DLGAP1: variants seen among roughly 807,000 people sequenced by gnomAD.
DLGAP1 encodes DLG associated protein 1.
In DLGAP1, 11 loss-of-function variants were observed where a neutral mutation model predicts 90.8. The ratio of observed to expected loss-of-function variants is 0.12; its 90% CI spans 0.08 to 0.20. The LOEUF is 0.20. DLGAP1 is among the 10% of genes least tolerant of loss of function. The pLI is 1.00. For synonymous variants in DLGAP1, 558 were observed against 540.7 expected (o/e 1.03, Z -0.44); for missense variants, 1,050 against 1,333.8 (o/e 0.79, Z 3.31).
chr18:3,572,792 T>C (rs1246323303), intron 8 of DLGAP1, among the ~76,000 whole-genome samples: 2 of 152,216 alleles, frequency 1.3e-5, no homozygotes, highest in African/African-American at 4.8e-5. Flanking sequence ...ATGTTGATAC[T>C]TGGAATGGCT....
In DLGAP1 at chr18:4,302,784, T is replaced by C. The variant is rs141254536; in HGVS notation, c.-266-151497A>G. 3.1e-4 allele frequency among the ~76,000 whole-genome samples: 47 copies of C among 152,348 alleles called. 1 individual carries two copies. In the East Asian group the frequency reaches 8.9e-3, roughly 29 times the overall value. The stretch of plus-strand genomic sequence containing the variant: ...ATTGAAATTTTAATAGAGACTGCAC[T>C]GAATCTATAGGTCACATTGGGTAGC... On this transcript the variant is annotated intron_variant, in intron 1 of 12. Coordinates refer to ENST00000315677, the MANE Select transcript of DLGAP1 (RefSeq NM_004746.4).
rs184181329 is a variant in DLGAP1, at chr18:4,133,323, C to T, written c.-159+17857G>A. ...CCCAACACCAGAGGTACAAGGGTTG[C>T]CTCAGATTCAAGTCCATCTAATCCA... On this transcript the variant is annotated intron_variant, in intron 2 of 12. Transcript: ENST00000315677. Among the ~76,000 whole-genome samples, 633 of 152,258 alleles carry T rather than the reference C, an allele frequency of 4.2e-3. 8 individuals are homozygous for T. Among genetic ancestry groups the T allele is most frequent in the Non-Finnish European group, 3.7e-3 (255 of 68,014 alleles).
intron 1 of DLGAP1, among the ~76,000 whole-genome samples, chr18:4,200,373 AAATT>A (rs1414414379): frequency 2.6e-5 from 4 of 151,880 alleles, no homozygotes; most frequent in African/African-American, 9.6e-5. Flanking sequence ...ACCATAAATA[AAATT>A]ATTTTCTATT....
chr18:4,004,334 T>C (rs1406482728), intron 3 of DLGAP1, among the ~76,000 whole-genome samples: 1 of 151,686 alleles, frequency 6.6e-6, no homozygotes, highest in Non-Finnish European at 1.5e-5. Context: ...GAGCACATGA[T>C]ATAAGTACCT....
Position 4,384,146 on chromosome 18 carries a change from T to C in DLGAP1, c.-267+70860A>G, listed in dbSNP as rs541081982. 1.5e-4 allele frequency among the ~76,000 whole-genome samples: 23 copies of C among 152,284 alleles called. No homozygotes were observed. In the East Asian group the frequency reaches 3.7e-3, roughly 24 times the overall value. On this transcript the variant is annotated intron_variant, in intron 1 of 12. Coordinates refer to ENST00000315677, the MANE Select transcript of DLGAP1 (RefSeq NM_004746.4). ...ATTCAATATTCTATCTGATGGATAA[T>C]GAAAAGTAAATGTTTAACCTACCTA...
chr18:4,120,185 AC>A (rs2076129773), intron 2 of DLGAP1, among the ~76,000 whole-genome samples: 1 of 152,224 alleles, frequency 6.6e-6, no homozygotes, highest in Non-Finnish European at 1.5e-5. Flanking sequence ...TGTTTGAAAA[AC>A]ACTTATAAAG....
chr18:3,897,398 A>G (rs2071653225), intron 3 of DLGAP1, among the ~76,000 whole-genome samples: 1 of 152,230 alleles, frequency 6.6e-6, no homozygotes, highest in Non-Finnish European at 1.5e-5. Flanking sequence ...GCTAACATTC[A>G]TGTATTTTTT....
intron 2 of DLGAP1, among the ~76,000 whole-genome samples, chr18:4,091,553 C>G (rs2075773260): frequency 6.6e-6 from 1 of 152,108 alleles, no homozygotes; most frequent in South Asian, 2.1e-4. Flanking sequence ...ATACTCTGTT[C>G]TGTCTTCATC....
intron 12 of DLGAP1, among the ~76,000 whole-genome samples, chr18:3,501,839 A>G (rs1197608776): frequency 1.3e-5 from 2 of 151,534 alleles, no homozygotes; most frequent in African/African-American, 4.8e-5. Flanking sequence ...TGAAAATTAG[A>G]GTTGATTAAT....
intron 1 of DLGAP1, among the ~76,000 whole-genome samples, chr18:4,285,953 T>G (rs532865191): frequency 3.9e-5 from 6 of 152,212 alleles, no homozygotes; most frequent in African/African-American, 1.4e-4. Flanking sequence ...AACCTCCTGA[T>G]GACTTTTAAA....
intron 1 of DLGAP1, among the ~76,000 whole-genome samples, chr18:4,382,893 C>G (rs1440693491): frequency 6.6e-6 from 1 of 152,126 alleles, no homozygotes; most frequent in Non-Finnish European, 1.5e-5. Context: ...TGCAGTTCAG[C>G]AACATAGGTT....
intron 2 of DLGAP1, among the ~76,000 whole-genome samples, chr18:4,055,389 T>C (rs1043923644): frequency 2.6e-5 from 4 of 152,220 alleles, no homozygotes; most frequent in African/African-American, 9.6e-5. Flanking sequence ...ATCCAGATGA[T>C]AAGCACAGAA....
chr18:4,389,453 T>C (rs1379442238), intron 1 of DLGAP1, among the ~76,000 whole-genome samples: 1 of 152,190 alleles, frequency 6.6e-6, no homozygotes, highest in African/African-American at 2.4e-5. Context: ...AAAATATGAA[T>C]GTACTTAACA....
chr18:4,284,203 GAA>G (rs11392858), intron 1 of DLGAP1, among the ~76,000 whole-genome samples: 7 of 134,634 alleles, frequency 5.2e-5, no homozygotes, highest in East Asian at 2.2e-4. Flanking sequence ...TGCCTCTACT[GAA>G]AAAAAAAAAA....
intron 1 of DLGAP1, among the ~76,000 whole-genome samples, chr18:4,308,372 T>C (rs1470140948): frequency 1.3e-5 from 2 of 152,132 alleles, no homozygotes; most frequent in Non-Finnish European, 2.9e-5. Context: ...ATATGATAAA[T>C]ATGCTAGAAT....
intron 6 of DLGAP1, among the ~76,000 whole-genome samples, chr18:3,738,349 G>C (rs1470373858): frequency 6.8e-6 from 1 of 147,736 alleles, no homozygotes; most frequent in South Asian, 2.1e-4. Flanking sequence ...AAAGCTGGAG[G>C]CATCACACTA....
chr18:3,660,912 G>A lies in DLGAP1; in HGVS notation c.1591+68223C>T, dbSNP rs1489074829. Among the ~76,000 whole-genome samples, 1 of 152,160 alleles carries A rather than the reference G, an allele frequency of 6.6e-6. No individual in the cohort carries two copies. Among genetic ancestry groups the A allele is most frequent in the Non-Finnish European group, 1.5e-5 (1 of 68,022 alleles). ...CATCACCCTGGGCCAAATTATGACA[G>A]CAATGTTCACAGGAAACTGTATGAT... is the stretch of plus-strand genomic sequence containing the variant. On this transcript the variant is annotated intron_variant, in intron 7 of 12. Transcript: ENST00000315677. This position sits in a 1 kb window ranked among gnomAD's most constrained non-coding sequence, Gnocchi z 4.2.
At chr18:4,424,366 C>A (rs2083106430) in intron 1 of DLGAP1, among the ~76,000 whole-genome samples, 1 of 152,110 alleles carries the variant, frequency 6.6e-6, no homozygotes, top group Non-Finnish European at 1.5e-5. Flanking sequence ...TTCTTAATTT[C>A]AATTTGCAGA....
chr18:4,248,234 G>A (rs1598721895), intron 1 of DLGAP1, among the ~76,000 whole-genome samples: 1 of 152,122 alleles, frequency 6.6e-6, no homozygotes, highest in Non-Finnish European at 1.5e-5. Flanking sequence ...AAGCATGAAT[G>A]CTGACTTTAA....
Sources: gnomAD v4.1 joint callset for allele counts (sites outside exome capture counted in the v4.1 genomes callset) on GRCh38, gnomAD v4.1.1 for gene constraint, Gnocchi (gnomAD v3.1) non-coding constraint, MANE v1.5 for transcripts, NCBI Gene and HGNC (gene_info 2026-07-23, HGNC 2026-07-21) for gene names.